Variants in CACNG4 observed in about 807,000 individuals in gnomAD.
CACNG4 encodes voltage-dependent calcium channel gamma-4 subunit.
CACNG4 carries 8 observed loss-of-function variants against 22.9 expected under a neutral mutation model. The ratio of observed to expected loss-of-function variants is 0.35; its 90% confidence interval spans 0.21 to 0.63. CACNG4 has a LOEUF of 0.63. Ranked by LOEUF, CACNG4 falls within the 30% of genes least tolerant of loss-of-function variation. The pLI is 0.72. For missense variants in CACNG4, 357 were observed against 455.4 expected, an observed-to-expected ratio of 0.78 and a Z score of 1.97; for synonymous variants, 188 against 191.9, an observed-to-expected ratio of 0.98 and a Z score of 0.17.
In CACNG4 at chr17:67,031,748, C is replaced by A. The variant is rs1266520140; in HGVS notation, c.*744C>A. Reference sequence around the variant, plus strand: ...TCTGCCTCACTCAGAATGGGCAGGACAGACCCACTGACTGGACTTCAGAGT... The same window carrying A: ...TCTGCCTCACTCAGAATGGGCAGGAAAGACCCACTGACTGGACTTCAGAGT... On this transcript the variant is annotated 3_prime_UTR_variant, in exon 4 of 4. Coordinates refer to ENST00000262138, the MANE Select transcript of CACNG4 (RefSeq NM_014405.4). This position sits in a 1 kb window ranked among gnomAD's most constrained non-coding sequence, Gnocchi z 4.0. 2.2e-6 allele frequency: 1 copy of A among 456,650 alleles called. No homozygotes were observed. The allele number at this position is 456,650 out of a possible 1,614,324, so 28.3% of individuals were successfully genotyped here.
rs184769277 is a variant in CACNG4, at chr17:66,984,018, G to A, written c.220+18887G>A. 9.2e-5 allele frequency among the ~76,000 whole-genome samples: 14 copies of A among 152,258 alleles called. No homozygotes were observed. Among genetic ancestry groups the A allele is most frequent in the African/African-American group, 2.9e-4 (12 of 41,554 alleles). On this transcript the variant is annotated intron_variant, in intron 1 of 3. Coordinates refer to ENST00000262138, the MANE Select transcript of CACNG4 (RefSeq NM_014405.4). The surrounding 1 kb of genome is among the most constrained non-coding windows in gnomAD (Gnocchi z 4.0). ...ATTTTGATCAGGGTGCTGGTTATAC[G>A]GGTGTAGACACATGTTCATCTAACT...
In CACNG4 at chr17:67,031,173, G is replaced by C. The variant is rs2035603600; in HGVS notation, c.*169G>C. The C allele has an allele frequency of 1.4e-6, 1 of 705,754 alleles. No individual in the cohort carries two copies. The highest frequency in any genetic ancestry group is 2.4e-6 in the Non-Finnish European group (1 of 423,720). 43.7% of individuals were successfully genotyped at this position (705,754 alleles called of 1,614,324 possible). ...GCTTTGCACGAAGGTTGTGCTGGGA[G>C]ACCGGACCCGGGGCTGCAGAAGAAG... is the stretch of plus-strand genomic sequence containing the variant. On this transcript the variant is annotated 3_prime_UTR_variant, in exon 4 of 4. Coordinates refer to ENST00000262138, the MANE Select transcript of CACNG4 (RefSeq NM_014405.4). The surrounding 1 kb of genome is among the most constrained non-coding windows in gnomAD (Gnocchi z 4.0).
At chr17:66,991,708 A>G (rs2035341480) in intron 1 of CACNG4, among the ~76,000 whole-genome samples, 1 of 152,130 alleles carries the variant, frequency 6.6e-6, no homozygotes, top group Non-Finnish European at 1.5e-5. Flanking sequence ...AAGACCTGAC[A>G]ACTCCCAACC....
At chr17:66,965,453 G>A (rs1039927784) in intron 1 of CACNG4, among the ~76,000 whole-genome samples, 1 of 151,088 alleles carries the variant, frequency 6.6e-6, no homozygotes. Flanking sequence ...ACTCAAGCAC[G>A]CGCGCGTAGC....
rs147716893 is a variant in CACNG4, at chr17:67,030,610, C to G, written c.590C>G (p.Thr197Ser). 6.8e-6 allele frequency: 11 copies of G among 1,614,206 alleles called. No homozygotes were observed. The highest frequency in any genetic ancestry group is 9.3e-6 in the Non-Finnish European group (11 of 1,180,040). ...FGALSFIVAETVGVLAVNIYI... is the reference protein window; with the variant it reads ...FGALSFIVAESVGVLAVNIYI... Reference sequence around the variant, plus strand: ...GCTCTGTCTTTCATTGTGGCTGAGACCGTGGGCGTCCTGGCTGTAAACATT... The same window carrying G: ...GCTCTGTCTTTCATTGTGGCTGAGAGCGTGGGCGTCCTGGCTGTAAACATT... Residue 197 changes from threonine (T) to serine (S), a missense_variant, in exon 4 of 4, where the codon ACC becomes AGC. This residue lies in a region of CACNG4 where 240 missense variants were observed against 277.6 expected (regional missense o/e 0.86). Coordinates refer to ENST00000262138, the MANE Select transcript of CACNG4 (RefSeq NM_014405.4). The surrounding 1 kb of genome is among the most constrained non-coding windows in gnomAD (Gnocchi z 6.4).
intron 1 of CACNG4, among the ~76,000 whole-genome samples, chr17:67,004,056 C>A (rs776689994): frequency 7.2e-5 from 11 of 152,216 alleles, no homozygotes; most frequent in Non-Finnish European, 1.6e-4. Flanking sequence ...GGCAAACCAA[C>A]GGAAAAGCTG....
At chr17:66,998,491 C>A (rs976493208) in intron 1 of CACNG4, among the ~76,000 whole-genome samples, 1 of 152,212 alleles carries the variant, frequency 6.6e-6, no homozygotes, top group Non-Finnish European at 1.5e-5. Context: ...CCGCACCCAT[C>A]CCTGGGATAC....
chr17:66,977,699 GT>G (rs575582653), intron 1 of CACNG4, among the ~76,000 whole-genome samples: 4 of 152,176 alleles, frequency 2.6e-5, no homozygotes, highest in Non-Finnish European at 4.4e-5. Context: ...CCTCTCTCTT[GT>G]TTTTTTCTGA....
chr17:66,993,095 G>A (rs1179620021), intron 1 of CACNG4, among the ~76,000 whole-genome samples: 1 of 151,674 alleles, frequency 6.6e-6, no homozygotes, highest in African/African-American at 2.4e-5. Context: ...GTGGTGCTCA[G>A]CTGGCATCCA....
rs779773473 is a variant in CACNG4 at position 67,031,533 on chromosome 17, ATCTCTCCC to A, written c.*537_*544del. On this transcript the variant is annotated 3_prime_UTR_variant, in exon 4 of 4. Coordinates refer to ENST00000262138, the MANE Select transcript of CACNG4 (RefSeq NM_014405.4). The surrounding 1 kb of genome is among the most constrained non-coding windows in gnomAD (Gnocchi z 4.0). ...ACCGAAGCTCACTCCCTTCCTCTCC[ATCTCTCCC>A]TCTCTCCAAGACTCTGGCAGTGGCC... 6.6e-6 allele frequency: 3 copies of A among 456,874 alleles called. No individual in the cohort carries two copies. Among genetic ancestry groups the A allele is most frequent in the African/African-American group, 2.0e-5 (1 of 50,124 alleles). 28.3% of individuals were successfully genotyped at this position (456,874 alleles called of 1,614,324 possible).
At chr17:67,025,907 G>A (rs565785373) in intron 3 of CACNG4, among the ~76,000 whole-genome samples, 21 of 150,524 alleles carry the variant, frequency 1.4e-4, no homozygotes, top group South Asian at 8.5e-4. Context: ...GCCGGGCCCC[G>A]GTTCTACACC....
Position 66,989,050 on chromosome 17 carries a change from G to A in CACNG4, c.220+23919G>A, listed in dbSNP as rs1338774969. On this transcript the variant is annotated intron_variant, in intron 1 of 3. Coordinates refer to ENST00000262138, the MANE Select transcript of CACNG4 (RefSeq NM_014405.4). ...TACTCCAGCCTGGGCAACAGAGCAA[G>A]ACTCTGCCTCAAAAAAAAAAAAAAA... is the stretch of plus-strand genomic sequence containing the variant. Among the ~76,000 whole-genome samples the A allele has an allele frequency of 3.6e-5, 4 of 110,586 alleles. No individual in the cohort carries two copies. In the East Asian group the frequency reaches 1.1e-3, roughly 30 times the overall value. 72.5% of individuals were successfully genotyped at this position (110,586 alleles called of 152,430 possible).
chr17:67,016,594 C>CT (rs990169845), intron 1 of CACNG4, among the ~76,000 whole-genome samples: 2 of 152,178 alleles, frequency 1.3e-5, no homozygotes, highest in African/African-American at 4.8e-5. Context: ...TCCTGACTGA[C>CT]TGAGGCAACA....
intron 1 of CACNG4, among the ~76,000 whole-genome samples, chr17:66,981,290 C>G (rs2035271012): frequency 6.6e-6 from 1 of 152,226 alleles, no homozygotes; most frequent in Non-Finnish European, 1.5e-5. Flanking sequence ...AAAATTATCC[C>G]TCAGTTCTAA....
rs2035295225 is a variant in CACNG4 at position 66,984,713 on chromosome 17, C to T, written c.220+19582C>T. Among the ~76,000 whole-genome samples, 1 of 152,146 alleles carries T rather than the reference C, an allele frequency of 6.6e-6. No individual in the cohort carries two copies. Among genetic ancestry groups the T allele is most frequent in the Non-Finnish European group, 1.5e-5 (1 of 68,026 alleles). The stretch of plus-strand genomic sequence containing the variant: ...CCACTTGTTCCTGCCTCGCCATCTG[C>T]TTGTGCTGTCTCTCATGGGATCCTC... On this transcript the variant is annotated intron_variant, in intron 1 of 3. Coordinates refer to ENST00000262138, the MANE Select transcript of CACNG4 (RefSeq NM_014405.4). The surrounding 1 kb of genome is among the most constrained non-coding windows in gnomAD (Gnocchi z 4.0).
rs112760705 is a variant in CACNG4, at chr17:67,004,655, A to T, written c.221-13534A>T. Reference sequence around the variant, plus strand: ...AATCTCCCTCCCCCAGTGAAGGTACAGCTGGTTGGGGGTTAGAGTTCTGCC... The same window carrying T: ...AATCTCCCTCCCCCAGTGAAGGTACTGCTGGTTGGGGGTTAGAGTTCTGCC... On this transcript the variant is annotated intron_variant, in intron 1 of 3. Coordinates refer to ENST00000262138, the MANE Select transcript of CACNG4 (RefSeq NM_014405.4). 1.9e-3 allele frequency among the ~76,000 whole-genome samples: 290 copies of T among 152,314 alleles called. 1 individual carries two copies. The highest frequency in any genetic ancestry group is 6.6e-3 in the African/African-American group (275 of 41,572).
At chr17:66,986,084 G>C (rs1474343556) in intron 1 of CACNG4, among the ~76,000 whole-genome samples, 3 of 152,252 alleles carry the variant, frequency 2.0e-5, no homozygotes, top group Non-Finnish European at 4.4e-5. Context: ...CAGCTCCTGG[G>C]ATGCATGGGA....
At chr17:66,971,145 C>CT (rs2035201721) in intron 1 of CACNG4, among the ~76,000 whole-genome samples, 1 of 152,324 alleles carries the variant, frequency 6.6e-6, no homozygotes, top group Admixed American at 6.5e-5. Flanking sequence ...CTCTCACTCT[C>CT]TGTCATACAA....
rs2035604759 is a variant in CACNG4, at chr17:67,031,358, G to A, written c.*354G>A. ...TTATCTCCTCTTGGAAACGAATCTTGCCAGAAAAACGGGATTTCAGGGCCT... is the reference window on the plus strand; with the variant it reads ...TTATCTCCTCTTGGAAACGAATCTTACCAGAAAAACGGGATTTCAGGGCCT... On this transcript the variant is annotated 3_prime_UTR_variant, in exon 4 of 4. Transcript: ENST00000262138. The surrounding 1 kb of genome is among the most constrained non-coding windows in gnomAD (Gnocchi z 4.0). 2.0e-6 allele frequency: 1 copy of A among 489,528 alleles called. No individual in the cohort carries two copies. Among genetic ancestry groups the A allele is most frequent in the African/African-American group, 1.9e-5 (1 of 51,492 alleles). 30.3% of individuals were successfully genotyped at this position (489,528 alleles called of 1,614,324 possible).
Sources: allele counts gnomAD v4.1 joint callset (sites outside exome capture counted in the v4.1 genomes callset), GRCh38; gene constraint gnomAD v4.1.1; regional missense constraint gnomAD v4.1.1; non-coding constraint Gnocchi (gnomAD v3.1); transcripts MANE v1.5; gene names NCBI Gene and HGNC (gene_info 2026-07-23, HGNC 2026-07-21).